CRHR2: variants seen among roughly 807,000 people sequenced by gnomAD.
The protein encoded by CRHR2 is corticotropin-releasing hormone receptor 2.
CRHR2 carries 53 observed loss-of-function variants against 57.9 expected under a neutral mutation model. That is an observed-to-expected ratio of 0.92 (90% confidence interval 0.73 to 1.15). The LOEUF (loss-of-function observed/expected upper bound fraction) is 1.15. Ranked by LOEUF, CRHR2 falls within the 50% of genes most tolerant of loss-of-function variation. The probability of loss-of-function intolerance (pLI) is 0.00; values close to 1 mark genes in which losing one functional copy is unlikely to be tolerated. For synonymous variants in CRHR2, 213 were observed against 220.9 expected (o/e 0.96, Z 0.32); for missense variants, 532 against 542.6 (o/e 0.98, Z 0.19).
chr7:30,658,143 C>G (rs376062750), intron 8 of CRHR2, among the ~76,000 whole-genome samples: 3 of 152,200 alleles, frequency 2.0e-5, no homozygotes, highest in Admixed American at 6.5e-5. Flanking sequence ...CACACCACCA[C>G]AGGTACCTTC....
Position 30,653,657 on chromosome 7 carries a change from A to C in CRHR2, c.1096-57T>G. On this transcript the variant is annotated intron_variant, in intron 11 of 11. Transcript: ENST00000471646. The surrounding 1 kb of genome is among the most constrained non-coding windows in gnomAD (Gnocchi z 5.0). ...CAGGGACCAACCCTGGGCTTCTGGG[A>C]CCATCCCCTCCTCTGCTTTCTGCTC... The C allele has an allele frequency of 6.5e-7, 1 of 1,533,110 alleles. No individual in the cohort carries two copies. The allele number at this position is 1,533,110 out of a possible 1,614,324, so 95.0% of individuals were successfully genotyped here. A position where few individuals can be genotyped will look rare whatever the true frequency, so the allele number is the denominator to read the frequency against.
intron 2 of CRHR2, chr7:30,689,149 A>G (rs2128150581): frequency 6.6e-7 from 1 of 1,521,820 alleles, no homozygotes; most frequent in East Asian, 2.5e-5. Context: ...GCCCACCCAC[A>G]TCTCCAGGGG....
rs1442498341 is a variant in CRHR2 at position 30,653,146 on chromosome 7, C to T, written c.*314G>A. On this transcript the variant is annotated 3_prime_UTR_variant, in exon 12 of 12. Transcript: ENST00000471646. The surrounding 1 kb of genome is among the most constrained non-coding windows in gnomAD (Gnocchi z 5.0). ...AATAGCTGTGTGTGTTGGACAGGTC[C>T]TTCTCTGCTCTGGGCCCAGTAAGGC... The T allele has an allele frequency of 3.1e-6, 1 of 321,856 alleles. No homozygotes were observed. The highest frequency in any genetic ancestry group is 5.8e-6 in the Non-Finnish European group (1 of 172,522). 19.9% of individuals were successfully genotyped at this position (321,856 alleles called of 1,614,324 possible).
At chr7:30,664,560 T>C (rs567361860) in intron 5 of CRHR2, among the ~76,000 whole-genome samples, 62 of 151,908 alleles carry the variant, frequency 4.1e-4, no homozygotes, top group African/African-American at 1.5e-3. Context: ...AGATGAGGAG[T>C]GGACTAGGAT....
intron 1 of CRHR2, among the ~76,000 whole-genome samples, chr7:30,696,621 G>A (rs959558525): frequency 2.0e-5 from 3 of 152,106 alleles, no homozygotes; most frequent in African/African-American, 7.2e-5. Context: ...CTACTCAGGA[G>A]GCTGAGGCAG....
intron 1 of CRHR2, among the ~76,000 whole-genome samples, chr7:30,692,816 C>T (rs1261226588): frequency 6.6e-6 from 1 of 152,210 alleles, no homozygotes; most frequent in Non-Finnish European, 1.5e-5. Flanking sequence ...GATGAGGCTG[C>T]TGAGGCCCAG....
At chr7:30,694,235 A>T (rs1180372563) in intron 1 of CRHR2, among the ~76,000 whole-genome samples, 1 of 152,152 alleles carries the variant, frequency 6.6e-6, no homozygotes, top group Non-Finnish European at 1.5e-5. Flanking sequence ...CTTCTCTCTG[A>T]ACTTTGCTCT....
upstream of CRHR2, chr7:30,686,376 A>G (rs1431962882): frequency 4.6e-6 from 7 of 1,524,962 alleles, no homozygotes; most frequent in Non-Finnish European, 5.3e-6. Flanking sequence ...AGTCACTAAG[A>G]AAGGACAGAT....
chr7:30,662,348 A>G, intron 6 of CRHR2, 132 bp from the exon 7 acceptor site: 2 of 1,040,498 alleles, frequency 1.9e-6, no homozygotes, highest in Non-Finnish European at 2.9e-6. Context: ...CCACAACCCC[A>G]GGGGTGCCCT....
At chr7:30,657,914 A>G (rs550753944) in intron 8 of CRHR2, among the ~76,000 whole-genome samples, 2 of 152,162 alleles carry the variant, frequency 1.3e-5, no homozygotes, top group South Asian at 4.2e-4. Flanking sequence ...CCATCCATCT[A>G]CCTACCCAAT....
intron 11 of CRHR2, 129 bp downstream of exon 11, chr7:30,654,910 G>C (rs1026000334): frequency 9.7e-6 from 15 of 1,552,216 alleles, no homozygotes; most frequent in Non-Finnish European, 1.3e-5. Context: ...TTCCCCTAAG[G>C]CCGGGTGGTA....
At position 30,682,103 on chromosome 7, in the gene CRHR2, G is replaced by GC; in HGVS notation, c.104-64dup. On this transcript the variant is annotated intron_variant, in intron 1 of 11. Transcript: ENST00000471646. The stretch of plus-strand genomic sequence containing the variant: ...CCCGCAGGGACGCGGGGCTCTCGGA[G>GC]CGCGGGGTCAGGGGCGCACCCAGCG... The GC allele has an allele frequency of 3.2e-6, 5 of 1,540,486 alleles. No individual in the cohort carries two copies. In the African/African-American group the frequency reaches 7.0e-5, roughly 21 times the overall value.
rs552900405 is a variant in CRHR2 at position 30,663,803 on chromosome 7, G to A, written c.544-956C>T. ...ATCCCCAGGGCACCCTGAGAGCCAA[G>A]GCTGGGACATGGGGAATGATGGAGC... On this transcript the variant is annotated intron_variant, in intron 5 of 11. Transcript: ENST00000471646. Among the ~76,000 whole-genome samples the A allele has an allele frequency of 3.9e-5, 6 of 152,368 alleles. No homozygotes were observed. In the South Asian group the frequency reaches 1.0e-3, roughly 26 times the overall value.
Position 30,665,479 on chromosome 7 carries a change from G to T in CRHR2, c.425+51C>A, listed in dbSNP as rs536926139. Reference sequence around the variant, plus strand: ...AGAATGTCTGGGAGAGGTGAAGGGGGTGCTGTAGGGGGAGGGATGAGGAGA... The same window carrying T: ...AGAATGTCTGGGAGAGGTGAAGGGGTTGCTGTAGGGGGAGGGATGAGGAGA... On this transcript the variant is annotated intron_variant, in intron 4 of 11. Coordinates refer to ENST00000471646, the MANE Select transcript of CRHR2 (RefSeq NM_001883.5). This position sits in a 1 kb window ranked among gnomAD's most constrained non-coding sequence, Gnocchi z 4.5. 4 of 1,406,290 alleles carry T rather than the reference G, an allele frequency of 2.8e-6. No homozygotes were observed. Among genetic ancestry groups the T allele is most frequent in the South Asian group, 1.2e-5 (1 of 80,296 alleles). 87.1% of individuals were successfully genotyped at this position (1,406,290 alleles called of 1,614,324 possible).
chr7:30,684,265 T>C (rs1474268277), upstream of CRHR2, among the ~76,000 whole-genome samples: 2 of 152,238 alleles, frequency 1.3e-5, no homozygotes, highest in Non-Finnish European at 2.9e-5. Flanking sequence ...AGAGGGTGGC[T>C]GGCCAGGTCA....
At chr7:30,684,014 T>C (rs1784806047), upstream of CRHR2, among the ~76,000 whole-genome samples, 2 of 152,208 alleles carry the variant, frequency 1.3e-5, no homozygotes, top group Admixed American at 1.3e-4. Context: ...AGACCAGGGC[T>C]GAGCCCTGGA....
chr7:30,662,465 C>G (rs1363515349), intron 6 of CRHR2, among the ~76,000 whole-genome samples: 1 of 152,200 alleles, frequency 6.6e-6, no homozygotes, highest in Admixed American at 6.5e-5. Flanking sequence ...AGACAAAGGC[C>G]TTTGGACAGG....
intron 8 of CRHR2, among the ~76,000 whole-genome samples, chr7:30,657,109 A>C (rs892534460): frequency 2.6e-5 from 4 of 150,980 alleles, no homozygotes; most frequent in Non-Finnish European, 4.4e-5. Flanking sequence ...ACACACACAC[A>C]CCTCTGACAC....
intron 8 of CRHR2, among the ~76,000 whole-genome samples, chr7:30,658,222 C>G (rs1218481226): frequency 1.3e-5 from 2 of 152,244 alleles, no homozygotes; most frequent in African/African-American, 2.4e-5. Context: ...TTCTTGGACT[C>G]TACCTCCCTG....
Sources: gnomAD v4.1 joint callset for allele counts (sites outside exome capture counted in the v4.1 genomes callset) on GRCh38, gnomAD v4.1.1 for gene constraint, Gnocchi (gnomAD v3.1) non-coding constraint, MANE v1.5 for transcripts, NCBI Gene and HGNC (gene_info 2026-07-23, HGNC 2026-07-21) for gene names.